Variants in CDH8 observed in about 807,000 individuals in gnomAD.
The protein encoded by CDH8 is cadherin-8.
CDH8 carries 17 observed loss-of-function variants against 68.1 expected under a neutral mutation model. The observed-to-expected ratio is 0.25, with a 90% CI of 0.17 to 0.37. The LOEUF is 0.37. Among genes scored for constraint, CDH8 ranks in the 10% least tolerant of loss-of-function variants. The pLI, the probability that CDH8 is intolerant of heterozygous loss-of-function variation, is 1.00. For synonymous variants in CDH8, 372 were observed against 365.1 expected, an observed-to-expected ratio of 1.02 and a Z score of -0.21; for missense variants, 763 against 999.3, an observed-to-expected ratio of 0.76 and a Z score of 3.19.
chr16:61,908,526 C>A (rs1964101498), intron 2 of CDH8, among the ~76,000 whole-genome samples: 1 of 152,182 alleles, frequency 6.6e-6, no homozygotes, highest in South Asian at 2.1e-4. Context: ...TTCCATTCAG[C>A]CTTCTTTCAT....
At position 61,861,374 on chromosome 16, in the gene CDH8, T is replaced by C. The variant is rs530890369; in HGVS notation, c.548-4136A>G. The stretch of plus-strand genomic sequence containing the variant: ...ATTCTTTTTTCATACTCCATAGTCA[T>C]GCAAACTGTTTCCTGTTAAATGGAA... On this transcript the variant is annotated intron_variant, in intron 3 of 11. Coordinates refer to ENST00000577390, the MANE Select transcript of CDH8 (RefSeq NM_001796.5). Among the ~76,000 whole-genome samples the C allele has an allele frequency of 5.3e-5, 8 of 152,314 alleles. No homozygotes were observed. In the East Asian group the frequency reaches 1.4e-3, roughly 26 times the overall value.
At chr16:62,003,840 T>C (rs960033831) in intron 2 of CDH8, among the ~76,000 whole-genome samples, 2 of 152,232 alleles carry the variant, frequency 1.3e-5, no homozygotes, top group Non-Finnish European at 2.9e-5. Context: ...TTCTTCTCCT[T>C]AAATATTGAA....
intron 3 of CDH8, among the ~76,000 whole-genome samples, chr16:61,899,920 A>G (rs1258236758): frequency 6.6e-6 from 1 of 151,696 alleles, no homozygotes; most frequent in Non-Finnish European, 1.5e-5. Context: ...TTTGGGAGGT[A>G]AGGCATTCTG....
chr16:61,748,957 G>T (rs1286468091), intron 8 of CDH8, among the ~76,000 whole-genome samples: 1 of 152,038 alleles, frequency 6.6e-6, no homozygotes, highest in Non-Finnish European at 1.5e-5. Context: ...GGAGGGTATA[G>T]GTTGTTCAGA....
chr16:61,986,511 A>G (rs775430832), intron 2 of CDH8, among the ~76,000 whole-genome samples: 11 of 152,194 alleles, frequency 7.2e-5, no homozygotes, highest in Non-Finnish European at 1.6e-4. Context: ...ATGGTCTACA[A>G]TATGCCAAGA....
intron 2 of CDH8, among the ~76,000 whole-genome samples, chr16:62,008,530 G>C (rs533311070): frequency 6.6e-6 from 1 of 151,828 alleles, no homozygotes; most frequent in South Asian, 2.1e-4. Context: ...GGAGGGTCTC[G>C]CTGTGTTGCC....
chr16:61,834,332 A>T (rs962657242), intron 4 of CDH8, among the ~76,000 whole-genome samples: 2 of 151,808 alleles, frequency 1.3e-5, no homozygotes, highest in African/African-American at 4.8e-5. Context: ...TTCAAGGCTC[A>T]AGGGCTACTT....
chr16:61,653,309 T>C lies in CDH8; in HGVS notation c.*299A>G. 32 of 1,197,696 alleles carry C rather than the reference T, an allele frequency of 2.7e-5. No homozygotes were observed. The highest frequency in any genetic ancestry group is 3.3e-5 in the Non-Finnish European group (32 of 968,250). 74.2% of individuals were successfully genotyped at this position (1,197,696 alleles called of 1,614,324 possible). On this transcript the variant is annotated 3_prime_UTR_variant, in exon 12 of 12. Coordinates refer to ENST00000577390, the MANE Select transcript of CDH8 (RefSeq NM_001796.5). ...TTTTTTCCTCTATTTAAACCATTTA[T>C]CTAAGGATTAGCCAGGATCCCAATC... is the stretch of plus-strand genomic sequence containing the variant.
intron 2 of CDH8, among the ~76,000 whole-genome samples, chr16:61,978,983 T>TC (rs397717348): frequency 2.0e-5 from 3 of 151,538 alleles, no homozygotes; most frequent in South Asian, 2.1e-4. Context: ...CCATTTTTTT[T>TC]CCCATTTCTA....
intron 7 of CDH8, among the ~76,000 whole-genome samples, chr16:61,792,143 A>G (rs1167893942): frequency 6.6e-6 from 1 of 152,050 alleles, no homozygotes; most frequent in African/African-American, 2.4e-5. Context: ...TGTGTTATTT[A>G]ACTCCCATAA....
chr16:61,757,410 T>G (rs1455189512), intron 8 of CDH8, among the ~76,000 whole-genome samples: 2 of 152,126 alleles, frequency 1.3e-5, no homozygotes, highest in African/African-American at 4.8e-5. Flanking sequence ...TGATAAAATA[T>G]TATCATTTGA....
chr16:61,958,737 A>T (rs2143620516), intron 2 of CDH8, among the ~76,000 whole-genome samples: 1 of 152,288 alleles, frequency 6.6e-6, no homozygotes, highest in East Asian at 1.9e-4. Flanking sequence ...ATACTCAATA[A>T]TTACAATTGT....
chr16:61,761,122 T>C (rs1038996844), intron 8 of CDH8, among the ~76,000 whole-genome samples: 3 of 152,198 alleles, frequency 2.0e-5, no homozygotes, highest in Non-Finnish European at 4.4e-5. Flanking sequence ...TTAAAATTAA[T>C]TATGATACTT....
intron 4 of CDH8, among the ~76,000 whole-genome samples, chr16:61,836,460 C>G (rs111596824): frequency 1.3e-5 from 2 of 152,122 alleles, no homozygotes; most frequent in African/African-American, 4.8e-5. Flanking sequence ...AGCTGATCAA[C>G]ACTGTGATGA....
intron 2 of CDH8, among the ~76,000 whole-genome samples, chr16:61,937,314 G>A (rs1407791126): frequency 6.6e-6 from 1 of 152,084 alleles, no homozygotes; most frequent in Admixed American, 6.6e-5. Context: ...TCTACCATAG[G>A]AAAGATCTTA....
intron 10 of CDH8, among the ~76,000 whole-genome samples, chr16:61,698,963 C>T (rs1390450377): frequency 6.6e-6 from 1 of 152,062 alleles, no homozygotes; most frequent in African/African-American, 2.4e-5. Flanking sequence ...CCATGTAATC[C>T]TCATTTATTT....
chr16:62,030,832 A>ATTT (rs1421143339), intron 1 of CDH8, among the ~76,000 whole-genome samples: 1 of 152,046 alleles, frequency 6.6e-6, no homozygotes, highest in Non-Finnish European at 1.5e-5. Flanking sequence ...ATGGCACACT[A>ATTT]TTTTTCCCTG....
At chr16:61,860,750 AC>A (rs1304142150) in intron 3 of CDH8, among the ~76,000 whole-genome samples, 1 of 152,186 alleles carries the variant, frequency 6.6e-6, no homozygotes, top group African/African-American at 2.4e-5. Context: ...AATTGTCAAA[AC>A]TTCCTGTCAT....
chr16:61,669,053 T>G (rs1033895079), intron 10 of CDH8, among the ~76,000 whole-genome samples: 4 of 152,042 alleles, frequency 2.6e-5, no homozygotes, highest in Non-Finnish European at 4.4e-5. Context: ...CCAAAGGTAG[T>G]GTGTTTTCTA....
Sources: allele counts gnomAD v4.1 joint callset (sites outside exome capture counted in the v4.1 genomes callset), GRCh38; gene constraint gnomAD v4.1.1; transcripts MANE v1.5; gene names NCBI Gene and HGNC (gene_info 2026-07-23, HGNC 2026-07-21).